TNIK: variants seen among roughly 807,000 people sequenced by gnomAD.
TNIK encodes the protein TRAF2 and NCK interacting kinase, also known as TRAF2 and NCK-interacting protein kinase.
Under a neutral mutation model 191.3 loss-of-function variants are expected in TNIK, and 49 were observed. That is an observed-to-expected ratio of 0.26 (90% CI 0.20 to 0.32). The LOEUF (loss-of-function observed/expected upper bound fraction) is 0.32, where lower values mean the gene tolerates loss of function less well. Among genes scored for constraint, TNIK ranks in the 10% least tolerant of loss-of-function variants. The pLI, the probability that TNIK is intolerant of heterozygous loss-of-function variation, is 1.00. For missense variants in TNIK, 1,155 were observed against 1,702.3 expected, an observed-to-expected ratio of 0.68 and a Z score of 5.66; for synonymous variants, 594 against 600.9, an observed-to-expected ratio of 0.99 and a Z score of 0.17.
At position 171,440,105 on chromosome 3, in the gene TNIK, A is replaced by G. The variant is rs78528680; in HGVS notation, c.57+19902T>C. ...ACCATGCTAGGCTGGGCGAATGACC[A>G]CAATGATTACTGGAGCTGAGCCTCC... On this transcript the variant is annotated intron_variant, in intron 1 of 32. Coordinates refer to ENST00000436636, the MANE Select transcript of TNIK (RefSeq NM_015028.4). Among the ~76,000 whole-genome samples the G allele has an allele frequency of 3.4e-3, 522 of 152,270 alleles. 3 individuals are homozygous for G. The highest frequency in any genetic ancestry group is 0.012 in the African/African-American group (489 of 41,558).
In TNIK at chr3:171,244,633, C is replaced by G. The variant is rs1162111759; in HGVS notation, c.124-16412G>C. Among the ~76,000 whole-genome samples the G allele has an allele frequency of 2.6e-5, 4 of 151,848 alleles. No individual in the cohort carries two copies. In the East Asian group the frequency reaches 7.7e-4, roughly 29 times the overall value. Reference sequence around the variant, plus strand: ...TCTACCATGGCTTTAAGTAAATATACTATTAAGAAAACTATCATGTTTTTG... The same window carrying G: ...TCTACCATGGCTTTAAGTAAATATAGTATTAAGAAAACTATCATGTTTTTG... On this transcript the variant is annotated intron_variant, in intron 2 of 32. Transcript: ENST00000436636.
chr3:171,400,608 C>G lies in TNIK; in HGVS notation c.58-30923G>C, dbSNP rs931549991. Among the ~76,000 whole-genome samples, 22 of 83,628 alleles carry G rather than the reference C, an allele frequency of 2.6e-4. 2 individuals are homozygous for G. The highest frequency in any genetic ancestry group is 1.9e-3 in the Admixed American group (19 of 10,116). 54.9% of individuals were successfully genotyped at this position (83,628 alleles called of 152,430 possible). On this transcript the variant is annotated intron_variant, in intron 1 of 32. Coordinates refer to ENST00000436636, the MANE Select transcript of TNIK (RefSeq NM_015028.4). ...TAAATAAATAAATAAAGTGCTAGAT[C>G]CAGACCCCAGCCAGAAAGACATTTC...
chr3:171,098,947 C>T (rs1286355949), intron 22 of TNIK, among the ~76,000 whole-genome samples: 1 of 151,980 alleles, frequency 6.6e-6, no homozygotes, highest in African/African-American at 2.4e-5. Flanking sequence ...CCCTTCGTAC[C>T]CTTATTTTCT....
At chr3:171,395,735 G>A (rs1720143980) in intron 1 of TNIK, among the ~76,000 whole-genome samples, 1 of 152,086 alleles carries the variant, frequency 6.6e-6, no homozygotes. Flanking sequence ...ACATATGCGT[G>A]CAGTTCAAAT....
intron 2 of TNIK, among the ~76,000 whole-genome samples, chr3:171,315,155 G>C (rs890226948): frequency 3.3e-5 from 5 of 152,098 alleles, no homozygotes; most frequent in Non-Finnish European, 2.9e-5. Flanking sequence ...AAGCAGAAAG[G>C]GAAGAGTTGC....
At chr3:171,218,873 T>TAAA (rs57385804) in intron 3 of TNIK, among the ~76,000 whole-genome samples, 10 of 132,356 alleles carry the variant, frequency 7.6e-5, no homozygotes, top group East Asian at 6.6e-4. Flanking sequence ...TATAAATATA[T>TAAA]TTTATTTTTA....
chr3:171,185,510 C>A (rs1737248944), intron 7 of TNIK, among the ~76,000 whole-genome samples: 1 of 152,266 alleles, frequency 6.6e-6, no homozygotes, highest in Non-Finnish European at 1.5e-5. Context: ...TGAAACCTTT[C>A]CTTTCACTTG....
At chr3:171,221,377 C>T (rs1249326299) in intron 3 of TNIK, among the ~76,000 whole-genome samples, 1 of 152,120 alleles carries the variant, frequency 6.6e-6, no homozygotes, top group Non-Finnish European at 1.5e-5. Context: ...GGAGGTGCAC[C>T]TCCCCTACCC....
intron 9 of TNIK, among the ~76,000 whole-genome samples, chr3:171,168,832 G>T (rs1339940365): frequency 6.6e-6 from 1 of 152,180 alleles, no homozygotes; most frequent in African/African-American, 2.4e-5. Flanking sequence ...TGCATCATGA[G>T]CACACTACCT....
intron 2 of TNIK, among the ~76,000 whole-genome samples, chr3:171,342,564 A>G (rs1757647475): frequency 6.6e-6 from 1 of 152,242 alleles, no homozygotes; most frequent in Non-Finnish European, 1.5e-5. Context: ...ACAGCAGACA[A>G]CTGAGAGTTT....
At chr3:171,075,098 T>A (rs1719722472) in intron 28 of TNIK, among the ~76,000 whole-genome samples, 1 of 152,204 alleles carries the variant, frequency 6.6e-6, no homozygotes, top group Non-Finnish European at 1.5e-5. Flanking sequence ...GTCAGGTATA[T>A]GCAAGAGATA....
Position 171,110,734 on chromosome 3 carries a change from C to A in TNIK, c.2264G>T (p.Ser755Ile). The stretch of plus-strand genomic sequence containing the variant: ...TTTACCTCGAACTCTGGTGCGTTCA[C>A]TGGATCCTGCTTGTGATCCAGGCTG... ...GSQPGSQAGSSERTRVRANSK... is the reference protein window; with the variant it reads ...GSQPGSQAGSIERTRVRANSK... Residue 755 changes from serine (S) to isoleucine (I), a missense_variant, in exon 19 of 33, where the codon AGT becomes ATT. Coordinates refer to ENST00000436636, the MANE Select transcript of TNIK (RefSeq NM_015028.4). 1 of 1,599,020 alleles carries A rather than the reference C, an allele frequency of 6.3e-7. No individual in the cohort carries two copies. The highest frequency in any genetic ancestry group is 8.5e-7 in the Non-Finnish European group (1 of 1,172,756).
intron 1 of TNIK, among the ~76,000 whole-genome samples, chr3:171,391,953 G>A (rs879514472): frequency 2.0e-5 from 3 of 152,064 alleles, no homozygotes; most frequent in Non-Finnish European, 4.4e-5. Flanking sequence ...ACCATAAGAT[G>A]TAAAGGACAA....
chr3:171,096,547 A>G (rs1722740173), intron 22 of TNIK, among the ~76,000 whole-genome samples: 1 of 152,042 alleles, frequency 6.6e-6, no homozygotes, highest in Non-Finnish European at 1.5e-5. Flanking sequence ...AAAGTTTCCT[A>G]TGTACATTAT....
intron 2 of TNIK, among the ~76,000 whole-genome samples, chr3:171,346,445 C>G (rs975448399): frequency 1.3e-5 from 2 of 152,142 alleles, no homozygotes; most frequent in African/African-American, 4.8e-5. Flanking sequence ...GCACTGCACT[C>G]TACTTATTCT....
chr3:171,200,736 A>G (rs1021452120), intron 4 of TNIK, among the ~76,000 whole-genome samples: 2 of 152,208 alleles, frequency 1.3e-5, no homozygotes, highest in African/African-American at 4.8e-5. Context: ...TTCCTGCCCT[A>G]ATAACCTCTA....
At chr3:171,134,728 C>G (rs1200915830) in intron 15 of TNIK, among the ~76,000 whole-genome samples, 1 of 152,164 alleles carries the variant, frequency 6.6e-6, no homozygotes, top group Non-Finnish European at 1.5e-5. Flanking sequence ...TTCACTTGCT[C>G]TACAATATCC....
intron 2 of TNIK, among the ~76,000 whole-genome samples, chr3:171,298,039 T>A (rs13073223): frequency 0.45 from 68,921 of 152,114 alleles, 16,326 homozygotes; most frequent in Non-Finnish European, 0.51. Flanking sequence ...AAACTGCTTC[T>A]AGAATAGCAC....
At chr3:171,244,317 G>A (rs529532032) in intron 2 of TNIK, among the ~76,000 whole-genome samples, 223 of 152,018 alleles carry the variant, frequency 1.5e-3, no homozygotes, top group Admixed American at 5.0e-3. Context: ...CACCCACCTC[G>A]GCCTCCCAAA....
Sources: allele counts gnomAD v4.1 joint callset (sites outside exome capture counted in the v4.1 genomes callset), GRCh38; gene constraint gnomAD v4.1.1; transcripts MANE v1.5; gene names NCBI Gene and HGNC (gene_info 2026-07-23, HGNC 2026-07-21).